TUB: variants seen among roughly 807,000 people sequenced by gnomAD.
TUB encodes the protein TUB bipartite transcription factor, also known as tubby protein homolog.
A neutral mutation model predicts 59.7 loss-of-function variants in TUB; 33 were observed. The observed-to-expected ratio is 0.55, with a 90% CI of 0.42 to 0.74. The LOEUF (loss-of-function observed/expected upper bound fraction) is 0.74. TUB is among the 30% of genes least tolerant of loss of function. The pLI is 0.00. For synonymous variants in TUB, 293 were observed against 256.4 expected (o/e 1.14, Z -1.36); for missense variants, 659 against 672.0 (o/e 0.98, Z 0.21).
At chr11:8,037,246 G>C (rs888375758), upstream of TUB, among the ~76,000 whole-genome samples, 4 of 152,224 alleles carry the variant, frequency 2.6e-5, no homozygotes, top group Non-Finnish European at 4.4e-5. Flanking sequence ...TCCAAGCAGA[G>C]AGAATGGAAG....
chr11:8,034,546 G>A (rs542922475), upstream of TUB, among the ~76,000 whole-genome samples: 1 of 152,260 alleles, frequency 6.6e-6, no homozygotes, highest in East Asian at 1.9e-4. Context: ...AGTAAGACTG[G>A]CATCGCTCAC....
intron 1 of TUB, among the ~76,000 whole-genome samples, chr11:8,030,796 C>A (rs1341629338): frequency 6.6e-6 from 1 of 152,160 alleles, no homozygotes; most frequent in Non-Finnish European, 1.5e-5. Context: ...AGGATAACAG[C>A]AGCCTAGGAT....
At chr11:8,075,178 A>G (rs1181431152) in intron 2 of TUB, among the ~76,000 whole-genome samples, 1 of 152,072 alleles carries the variant, frequency 6.6e-6, no homozygotes, top group Non-Finnish European at 1.5e-5. Flanking sequence ...AATTTCCCCT[A>G]TTAGCAATAA....
Position 8,103,211 on chromosome 11 carries a change from A to G in TUB, c.*1592A>G, listed in dbSNP as rs994348537. 1 of 151,908 alleles carries G rather than the reference A, an allele frequency of 6.6e-6. No homozygotes were observed. The highest frequency in any genetic ancestry group is 2.4e-5 in the African/African-American group (1 of 41,344). 9.4% of individuals were successfully genotyped at this position (151,908 alleles called of 1,614,324 possible). A position where few individuals can be genotyped will look rare whatever the true frequency, so the allele number is the denominator to read the frequency against. On this transcript the variant is annotated 3_prime_UTR_variant, in exon 12 of 12. Transcript: ENST00000299506. Reference sequence around the variant, plus strand: ...GAGCCTAACTCCCTCCACTACCGCTATTTCTCCTTGGATGGCACCATCCAC... The same window carrying G: ...GAGCCTAACTCCCTCCACTACCGCTGTTTCTCCTTGGATGGCACCATCCAC...
chr11:8,079,673 G>C (rs72848453), upstream of TUB, among the ~76,000 whole-genome samples: 2 of 149,476 alleles, frequency 1.3e-5, no homozygotes, highest in East Asian at 2.0e-4. Context: ...CATGTGTGTA[G>C]GTGTGTGTAG....
At chr11:8,077,598 A>G (rs1478613973), upstream of TUB, 1 of 152,112 alleles carries the variant, frequency 6.6e-6, no homozygotes, top group Non-Finnish European at 1.5e-5. Flanking sequence ...GCTTATCAAT[A>G]TCCTATTCAT....
intron 2 of TUB, among the ~76,000 whole-genome samples, chr11:8,066,542 C>T (rs888447577): frequency 6.6e-5 from 10 of 152,180 alleles, no homozygotes; most frequent in African/African-American, 2.4e-4. Context: ...AGGGTCCAGA[C>T]AACCTGGAGA....
At chr11:8,061,665 A>C (rs546415344) in intron 2 of TUB, among the ~76,000 whole-genome samples, 1 of 151,986 alleles carries the variant, frequency 6.6e-6, no homozygotes, top group Non-Finnish European at 1.5e-5. Context: ...ATGTCCCTGC[A>C]TACACTGGAC....
intron 1 of TUB, among the ~76,000 whole-genome samples, chr11:8,032,281 C>T (rs1942585475): frequency 6.6e-6 from 1 of 152,206 alleles, no homozygotes; most frequent in African/African-American, 2.4e-5. Flanking sequence ...CCAACTACCA[C>T]CAAGTATCGC....
intron 4 of TUB, among the ~76,000 whole-genome samples, chr11:8,094,833 G>A (rs1943912249): frequency 1.3e-5 from 2 of 152,234 alleles, no homozygotes; most frequent in African/African-American, 2.4e-5. Flanking sequence ...GTTGGACAGT[G>A]ATGTGTCACA....
At position 8,100,986 on chromosome 11, in the gene TUB, A is replaced by G. The variant is rs1944269764; in HGVS notation, c.1376A>G (p.His459Arg). 1.2e-6 allele frequency: 2 copies of G among 1,614,150 alleles called. No individual in the cohort carries two copies. The highest frequency in any genetic ancestry group is 1.7e-6 in the Non-Finnish European group (2 of 1,180,018). The change falls in exon 11 of 12, where the codon CAT becomes CGT. Residue 459 changes from histidine to arginine, a missense_variant. His to Arg is a conservative substitution (Grantham distance 29, BLOSUM62 0). Coordinates refer to ENST00000299506, the MANE Select transcript of TUB (RefSeq NM_177972.3). ...TCCGTGAAGAACTTCCAGATCATCC[A>G]TGGCAATGACCGTGAGTGTTTCTGT... ...QASVKNFQII[H>R]GNDPDYIVMQ...
At chr11:8,039,698 C>G in intron 2 of TUB, 1 of 1,531,300 alleles carries the variant, frequency 6.5e-7, no homozygotes, top group African/African-American at 1.4e-5. Context: ...GCTCGGTGAG[C>G]TGGAGGGGAG....
At position 8,024,348 on chromosome 11, in the gene TUB, G is replaced by A. The variant is rs190571836; in HGVS notation, c.56+4990G>A. Reference sequence around the variant, plus strand: ...CACCACTTTCATGGTCTTCATCTTCGGCCGGGCCACCAATGCCATCTCTCA... The same window carrying A: ...CACCACTTTCATGGTCTTCATCTTCAGCCGGGCCACCAATGCCATCTCTCA... On this transcript the variant is annotated intron_variant, in intron 1 of 11. Transcript: ENST00000534099. 4.6e-5 allele frequency among the ~76,000 whole-genome samples: 7 copies of A among 152,090 alleles called. No homozygotes were observed. In the East Asian group the frequency reaches 9.7e-4, roughly 21 times the overall value.
At chr11:8,079,100 A>G (rs1589953897), upstream of TUB, among the ~76,000 whole-genome samples, 1 of 152,106 alleles carries the variant, frequency 6.6e-6, no homozygotes, top group South Asian at 2.1e-4. Context: ...TAATAGATTC[A>G]ATTACTCCAG....
intron 3 of TUB, among the ~76,000 whole-genome samples, chr11:8,093,243 AG>A (rs1203792347): frequency 6.6e-6 from 1 of 151,466 alleles, no homozygotes; most frequent in Non-Finnish European, 1.5e-5. Flanking sequence ...TTGATCACTG[AG>A]GGGGGCGAGG....
upstream of TUB, chr11:8,035,550 G>A (rs1435757839): frequency 6.6e-6 from 1 of 152,278 alleles, no homozygotes; most frequent in African/African-American, 2.4e-5. Flanking sequence ...GACCCAAAGG[G>A]CCCCTCCATG....
chr11:8,055,303 C>T (rs1300788941), intron 2 of TUB, among the ~76,000 whole-genome samples: 1 of 152,140 alleles, frequency 6.6e-6, no homozygotes, highest in African/African-American at 2.4e-5. Flanking sequence ...CATACCTCAC[C>T]ATTGCTCTCT....
intron 2 of TUB, among the ~76,000 whole-genome samples, chr11:8,056,477 G>C (rs1943023324): frequency 6.6e-6 from 1 of 152,168 alleles, no homozygotes; most frequent in Non-Finnish European, 1.5e-5. Flanking sequence ...GGGAAGGCAG[G>C]GGGACGTCTG....
rs1411360902 is a variant in TUB at position 8,081,291 on chromosome 11, C to G, written c.-220C>G. The G allele has an allele frequency of 8.1e-6, 7 of 863,362 alleles. No individual in the cohort carries two copies. The highest frequency in any genetic ancestry group is 9.7e-6 in the Non-Finnish European group (7 of 718,460). The allele number at this position is 863,362 out of a possible 1,614,324, so 53.5% of individuals were successfully genotyped here. ...CACGCGCGCGCACGACCCGCGCACT[C>G]CCGGAGCTTCGCCCATCTCGCCTCG... On this transcript the variant is annotated 5_prime_UTR_variant, in exon 1 of 12. Coordinates refer to ENST00000299506, the MANE Select transcript of TUB (RefSeq NM_177972.3).
Sources: gnomAD v4.1 joint callset for allele counts (sites outside exome capture counted in the v4.1 genomes callset) on GRCh38, gnomAD v4.1.1 for gene constraint, MANE v1.5 for transcripts, NCBI Gene and HGNC (gene_info 2026-07-23, HGNC 2026-07-21) for gene names.